Variants in TTK observed in about 807,000 individuals in gnomAD.
The protein encoded by TTK is dual specificity protein kinase TTK.
In TTK, 59 loss-of-function variants were observed where a neutral mutation model predicts 117.3. The observed-to-expected ratio is 0.50, with a 90% CI of 0.41 to 0.62. The LOEUF (loss-of-function observed/expected upper bound fraction) is 0.62, where lower values mean the gene tolerates loss of function less well. TTK is among the 20% of genes least tolerant of loss of function. TTK has a pLI of 0.00. For synonymous variants in TTK, 302 were observed against 325.0 expected (o/e 0.93, Z 0.76); for missense variants, 921 against 989.4 (o/e 0.93, Z 0.93).
At chr6:80,030,754 A>G (rs527370254) in intron 13 of TTK, among the ~76,000 whole-genome samples, 73 of 152,328 alleles carry the variant, frequency 4.8e-4, no homozygotes, top group African/African-American at 1.7e-3. Flanking sequence ...GGGAATTACA[A>G]TTTGACATGA....
chr6:80,005,432 G>C (rs988039681), intron 1 of TTK, among the ~76,000 whole-genome samples: 1 of 152,210 alleles, frequency 6.6e-6, no homozygotes, highest in Non-Finnish European at 1.5e-5. Context: ...CTCAAGTAAA[G>C]CAGGCGAATA....
chr6:80,026,411 T>A lies in TTK; in HGVS notation c.1291T>A (p.Ser431Thr), dbSNP rs763889955. The change falls in exon 12 of 22, where the codon TCA (serine) becomes ACA (threonine). Residue 431 changes from serine to threonine, a missense_variant. Coordinates refer to ENST00000369798, the MANE Select transcript of TTK (RefSeq NM_003318.5). The stretch of plus-strand genomic sequence containing the variant: ...TACCACTTTTGAGCAACCTGTCTTT[T>A]CAGTTTCAAAACAGTCACCACCAAT... ...KHTTFEQPVF[S>T]VSKQSPPIST... 1 of 1,613,604 alleles carries A rather than the reference T, an allele frequency of 6.2e-7. No homozygotes were observed. Among genetic ancestry groups the A allele is most frequent in the Non-Finnish European group, 8.5e-7 (1 of 1,179,794 alleles).
intron 21 of TTK, 110 bp downstream of exon 21, chr6:80,040,813 T>C (rs925446216): frequency 1.2e-6 from 1 of 854,124 alleles, no homozygotes; most frequent in African/African-American, 1.7e-5. Context: ...AGATCAGTTA[T>C]GAAACATGTT....
intron 11 of TTK, among the ~76,000 whole-genome samples, chr6:80,024,966 T>A (rs747789593): frequency 6.6e-6 from 1 of 152,214 alleles, no homozygotes; most frequent in Admixed American, 6.5e-5. Context: ...TCCTTGAAGA[T>A]ACAAGGCTCT....
chr6:80,022,206 TC>T, intron 10 of TTK, 117 bp from the exon 11 acceptor site: 1 of 1,128,312 alleles, frequency 8.9e-7, no homozygotes, highest in Non-Finnish European at 1.2e-6. Flanking sequence ...TTTCTCTCCC[TC>T]CTTGATTGTT....
chr6:80,031,249 CA>C (rs1767752817), intron 13 of TTK, among the ~76,000 whole-genome samples: 1 of 151,478 alleles, frequency 6.6e-6, no homozygotes, highest in Non-Finnish European at 1.5e-5. Flanking sequence ...CTTTTTAAGT[CA>C]AAACTAGTTA....
intron 14 of TTK, among the ~76,000 whole-genome samples, chr6:80,033,620 T>A (rs1767814503): frequency 6.6e-6 from 1 of 152,216 alleles, no homozygotes. Flanking sequence ...CTTTTGCTAT[T>A]GTAAGTTGTT....
In TTK at chr6:80,027,872, A is replaced by G; in HGVS notation, c.1395-13A>G. 1 of 1,510,988 alleles carries G rather than the reference A, an allele frequency of 6.6e-7. No individual in the cohort carries two copies. The highest frequency in any genetic ancestry group is 8.9e-7 in the Non-Finnish European group (1 of 1,121,142). The allele number at this position is 1,510,988 out of a possible 1,614,324, so 93.6% of individuals were successfully genotyped here. On this transcript the variant is annotated splice_polypyrimidine_tract_variant and intron_variant, in intron 12 of 21. Transcript: ENST00000369798. ...TGTAATGTTTTAAATAAAAATATATATATATTTCCTAGTTTTAGAACTCCA... is the reference window on the plus strand; with the variant it reads ...TGTAATGTTTTAAATAAAAATATATGTATATTTCCTAGTTTTAGAACTCCA...
intron 4 of TTK, 31 bp from the exon 5 acceptor site, chr6:80,010,783 T>A: frequency 7.4e-7 from 1 of 1,345,984 alleles, no homozygotes; most frequent in Non-Finnish European, 1.0e-6. Context: ...TTTTACTGCC[T>A]AAAAATGACA....
In TTK at chr6:80,022,349, G is replaced by T. The variant is rs1347475436; in HGVS notation, c.1134G>T (p.Glu378Asp). 26 of 1,612,696 alleles carry T rather than the reference G, an allele frequency of 1.6e-5. No homozygotes were observed. Among genetic ancestry groups the T allele is most frequent in the Non-Finnish European group, 2.1e-5 (25 of 1,179,688 alleles). ...LEETKEYQEP[E>D]VPESNQKQWQ... ...AAACTAAAGAGTATCAAGAACCAGAGGTTCCAGAGAGTAACCAGAAACAGT... is the reference window on the plus strand; with the variant it reads ...AAACTAAAGAGTATCAAGAACCAGATGTTCCAGAGAGTAACCAGAAACAGT... Residue 378 changes from glutamate to aspartate, a missense_variant, in exon 11 of 22, where the codon GAG (glutamate) becomes GAT (aspartate). Transcript: ENST00000369798.
chr6:80,023,957 A>G (rs1237033647), intron 11 of TTK, among the ~76,000 whole-genome samples: 1 of 152,202 alleles, frequency 6.6e-6, no homozygotes, highest in Admixed American at 6.5e-5. Context: ...TCAAACCAGC[A>G]TCTCCTCTTT....
Position 80,035,465 on chromosome 6 carries a change from A to G in TTK, c.1924+48A>G, listed in dbSNP as rs531314021. On this transcript the variant is annotated intron_variant, in intron 16 of 21. Coordinates refer to ENST00000369798, the MANE Select transcript of TTK (RefSeq NM_003318.5). ...TTGTAAGGTTAAAATCTTTGTTAAT[A>G]GTGTCATCTTAGAGAAATATACCTA... 7 of 1,528,624 alleles carry G rather than the reference A, an allele frequency of 4.6e-6. No homozygotes were observed. In the Admixed American group the frequency reaches 6.5e-5, roughly 14 times the overall value. The allele number at this position is 1,528,624 out of a possible 1,614,324, so 94.7% of individuals were successfully genotyped here. A position where few individuals can be genotyped will look rare whatever the true frequency, so the allele number is the denominator to read the frequency against.
Position 80,013,320 on chromosome 6 carries a change from G to GATCTAAACCAAGTGGAAATGA in TTK, c.939_959dup (p.Asn319_Asp320insGluSerLysProSerGlyAsn). 1.2e-6 allele frequency: 2 copies of GATCTAAACCAAGTGGAAATGA among 1,603,088 alleles called. No individual in the cohort carries two copies. The highest frequency in any genetic ancestry group is 1.7e-6 in the Non-Finnish European group (2 of 1,176,524). The stretch of plus-strand genomic sequence containing the variant: ...GAATGCCGAGATTTGGTTGTGCCTG[G>GATCTAAACCAAGTGGAAATGA]ATCTAAACCAAGTGGAAATGATTCC... On this transcript the variant is annotated inframe_insertion, in exon 9 of 22. Coordinates refer to ENST00000369798, the MANE Select transcript of TTK (RefSeq NM_003318.5).
At position 80,011,495 on chromosome 6, in the gene TTK, GAAC is replaced by G. The variant is rs1767151424; in HGVS notation, c.680_682del (p.Asn227del). ...GTTCACTTGGGCATTTACAGAATAG[GAAC>G]AACAGTTGTGATTCCAGAGGACAGA... On this transcript the variant is annotated inframe_deletion, in exon 6 of 22. Coordinates refer to ENST00000369798, the MANE Select transcript of TTK (RefSeq NM_003318.5). 6.2e-7 allele frequency: 1 copy of G among 1,610,244 alleles called. No individual in the cohort carries two copies. The highest frequency in any genetic ancestry group is 1.3e-5 in the African/African-American group (1 of 74,700).
chr6:80,014,661 C>T, intron 10 of TTK, 75 bp downstream of exon 10: 1 of 1,394,224 alleles, frequency 7.2e-7, no homozygotes, highest in South Asian at 1.6e-5. Context: ...AGCAGACTAG[C>T]CACCTAAGAA....
rs1357738785 is a variant in TTK at position 80,042,343 on chromosome 6, A to G, written c.*141A>G. The G allele has an allele frequency of 1.8e-6, 1 of 564,434 alleles. No homozygotes were observed. 35.0% of individuals were successfully genotyped at this position (564,434 alleles called of 1,614,324 possible). A position where few individuals can be genotyped will look rare whatever the true frequency, so the allele number is the denominator to read the frequency against. On this transcript the variant is annotated 3_prime_UTR_variant, in exon 22 of 22. Transcript: ENST00000369798. Reference sequence around the variant, plus strand: ...AAAAAAAATTCAGTAGATTATCTTTAAAAGAAAACTGTAAAAATAGCAACC... The same window carrying G: ...AAAAAAAATTCAGTAGATTATCTTTGAAAGAAAACTGTAAAAATAGCAACC...
chr6:80,033,080 C>G (rs186316913), intron 14 of TTK, among the ~76,000 whole-genome samples: 28 of 152,252 alleles, frequency 1.8e-4, no homozygotes, highest in African/African-American at 6.3e-4. Flanking sequence ...CTTGTTTCTC[C>G]TATTTGAGGC....
At chr6:80,018,969 A>G (rs1767388841) in intron 10 of TTK, among the ~76,000 whole-genome samples, 2 of 152,234 alleles carry the variant, frequency 1.3e-5, no homozygotes, top group Middle Eastern at 3.4e-3. Flanking sequence ...TTCCGTCTCT[A>G]TTCTGTTATT....
intron 10 of TTK, among the ~76,000 whole-genome samples, chr6:80,014,852 A>G (rs1426432746): frequency 6.6e-6 from 1 of 152,178 alleles, no homozygotes; most frequent in Admixed American, 6.5e-5. Flanking sequence ...CTTGACAAAT[A>G]CTTTCTGGAA....
Sources: gnomAD v4.1 joint callset for allele counts (sites outside exome capture counted in the v4.1 genomes callset) on GRCh38, gnomAD v4.1.1 for gene constraint, MANE v1.5 for transcripts, NCBI Gene and HGNC (gene_info 2026-07-23, HGNC 2026-07-21) for gene names.